Variants in SLC22A25 observed in about 807,000 individuals in gnomAD.
SLC22A25 encodes MGI:2442751, MGI:2385316, MGI:3042283, MGI:3645714, MGI:3605624, MGI:2442750.
In SLC22A25, 44 loss-of-function variants were observed where a neutral mutation model predicts 45.9. The observed-to-expected ratio is 0.96, with a 90% CI of 0.75 to 1.23. SLC22A25 has a LOEUF of 1.23. Ranked by LOEUF, SLC22A25 falls within the 50% of genes most tolerant of loss-of-function variation. The pLI is 0.00. For synonymous variants in SLC22A25, 283 were observed against 238.6 expected (o/e 1.19, Z -1.72); for missense variants, 800 against 666.4 (o/e 1.20, Z -2.21).
chr11:63,206,085 C>A (rs543903224), intron 7 of SLC22A25, among the ~76,000 whole-genome samples: 6 of 152,152 alleles, frequency 3.9e-5, no homozygotes, highest in African/African-American at 1.4e-4. Flanking sequence ...AAATTGAACA[C>A]CACTTCATGC....
intron 9 of SLC22A25, among the ~76,000 whole-genome samples, chr11:63,172,417 G>A (rs1173905776): frequency 6.6e-6 from 1 of 151,932 alleles, no homozygotes; most frequent in Admixed American, 6.6e-5. Context: ...CTAATATCTG[G>A]AATCTACAAG....
At chr11:63,182,574 T>TA (rs924531561) in intron 8 of SLC22A25, among the ~76,000 whole-genome samples, 33 of 151,758 alleles carry the variant, frequency 2.2e-4, no homozygotes, top group Non-Finnish European at 4.1e-4. Flanking sequence ...ATTTCCTTTT[T>TA]AAAAAAAATG....
chr11:63,164,120 A>G (rs2087597598), intron 11 of SLC22A25, 47 bp from the exon 12 acceptor site: 2 of 1,526,048 alleles, frequency 1.3e-6, no homozygotes, highest in Middle Eastern at 1.8e-4. Flanking sequence ...AAAATCATAC[A>G]TATAATTTGT....
At chr11:63,206,591 A>T (rs1397986803) in intron 7 of SLC22A25, among the ~76,000 whole-genome samples, 1 of 152,228 alleles carries the variant, frequency 6.6e-6, no homozygotes, top group Admixed American at 6.5e-5. Flanking sequence ...GATGTGAAGG[A>T]TGTCTTCAAG....
At chr11:63,183,282 G>C (rs1359411193) in intron 8 of SLC22A25, among the ~76,000 whole-genome samples, 1 of 152,112 alleles carries the variant, frequency 6.6e-6, no homozygotes, top group Non-Finnish European at 1.5e-5. Context: ...ATATGACAGA[G>C]TGAACAAATA....
chr11:63,204,493 G>A (rs1013446003), intron 7 of SLC22A25, among the ~76,000 whole-genome samples: 2 of 152,048 alleles, frequency 1.3e-5, no homozygotes, highest in Admixed American at 6.5e-5. Flanking sequence ...AGAAAAGCAG[G>A]GGTTGTAATC....
intron 7 of SLC22A25, among the ~76,000 whole-genome samples, chr11:63,209,040 A>G (rs1002237353): frequency 6.6e-6 from 1 of 152,164 alleles, no homozygotes; most frequent in African/African-American, 2.4e-5. Context: ...ATGCTCAAAA[A>G]TTAAGGACGT....
At chr11:63,168,856 A>G (rs1038990000) in intron 9 of SLC22A25, among the ~76,000 whole-genome samples, 1 of 152,122 alleles carries the variant, frequency 6.6e-6, no homozygotes, top group Non-Finnish European at 1.5e-5. Flanking sequence ...ACACCAAGAC[A>G]CATGATTGTC....
At position 63,164,012 on chromosome 11, in the gene SLC22A25, T is replaced by C. The variant is rs6591771; in HGVS notation, c.1456A>G (p.Met486Val). The part of the protein sequence containing the change: ...ANIGGALASL[M>V]MILSIYSRPL... ...CGAGAATATATGCTTAGGATCATCA[T>C]GAGGGAAGCCAGGGCTCCCCCAATA... is the stretch of plus-strand genomic sequence containing the variant. The change falls in exon 12 of 12, where the codon ATG (methionine) becomes GTG (valine). Residue 486 changes from methionine to valine, a missense_variant. Transcript: ENST00000306494. 0.45 allele frequency: 729,661 copies of C among 1,612,844 alleles called. 168,460 individuals are homozygous for C. The highest frequency in any genetic ancestry group is 0.62 in the African/African-American group (46,759 of 74,882).
chr11:63,233,890 T>G lies in SLC22A25; in HGVS notation c.-444-3794A>C, dbSNP rs1181752236. Among the ~76,000 whole-genome samples the G allele has an allele frequency of 2.6e-5, 4 of 152,342 alleles. No homozygotes were observed. The East Asian group carries it at 7.7e-4, about 29-fold the overall frequency. ...CTTTATTTCTGCCTTCATTTCGTTA[T>G]GTACCCAGTAGTCATTCAGGAGCAG... On this transcript the variant is annotated intron_variant, in intron 3 of 11. Transcript: ENST00000306494.
intron 7 of SLC22A25, among the ~76,000 whole-genome samples, chr11:63,216,119 A>T (rs1281689708): frequency 6.6e-6 from 1 of 152,226 alleles, no homozygotes; most frequent in Non-Finnish European, 1.5e-5. Context: ...CTATTATGAA[A>T]AAATGCTCAA....
intron 9 of SLC22A25, among the ~76,000 whole-genome samples, chr11:63,174,172 A>G (rs1364142132): frequency 6.6e-6 from 1 of 151,934 alleles, no homozygotes; most frequent in Non-Finnish European, 1.5e-5. Flanking sequence ...TGATCTTGTG[A>G]GTTTGCTGAG....
intron 7 of SLC22A25, among the ~76,000 whole-genome samples, chr11:63,186,056 C>T (rs922721474): frequency 2.0e-5 from 3 of 151,610 alleles, no homozygotes; most frequent in African/African-American, 7.3e-5. Context: ...TGGGTATATA[C>T]CCAGTAATGG....
At chr11:63,194,834 A>G (rs1231110650) in intron 7 of SLC22A25, among the ~76,000 whole-genome samples, 5 of 146,592 alleles carry the variant, frequency 3.4e-5, no homozygotes, top group Admixed American at 2.1e-4. Flanking sequence ...ATGTGCAGAG[A>G]CACACATAGG....
chr11:63,234,824 G>C (rs1590921073), intron 3 of SLC22A25, among the ~76,000 whole-genome samples: 2 of 152,280 alleles, frequency 1.3e-5, no homozygotes, highest in East Asian at 3.9e-4. Context: ...CTCTTTTAGG[G>C]CATGCCTGGT....
intron 8 of SLC22A25, among the ~76,000 whole-genome samples, chr11:63,182,837 C>G (rs2088378171): frequency 6.6e-6 from 1 of 152,072 alleles, no homozygotes; most frequent in Non-Finnish European, 1.5e-5. Flanking sequence ...TTAACTAGCT[C>G]CTAGTCCTCT....
chr11:63,227,638 A>G (rs1379992077), intron 5 of SLC22A25, among the ~76,000 whole-genome samples: 1 of 152,176 alleles, frequency 6.6e-6, no homozygotes, highest in African/African-American at 2.4e-5. Flanking sequence ...TAAGCACTCC[A>G]TTAGCCACCC....
At chr11:63,167,860 C>T (rs1347715990) in intron 9 of SLC22A25, 1 of 262,952 alleles carries the variant, frequency 3.8e-6, no homozygotes, top group Non-Finnish European at 7.6e-6. Context: ...ACACCTGTGC[C>T]TCCTGACTGG....
intron 9 of SLC22A25, chr11:63,166,824 G>T: frequency 2.0e-6 from 2 of 984,688 alleles, no homozygotes; most frequent in Non-Finnish European, 1.2e-6. Context: ...TATATTTAAT[G>T]GTGTCTAACT....
Sources: allele counts gnomAD v4.1 joint callset (sites outside exome capture counted in the v4.1 genomes callset), GRCh38; gene constraint gnomAD v4.1.1; transcripts MANE v1.5; gene names NCBI Gene and HGNC (gene_info 2026-07-23, HGNC 2026-07-21).